Variants in DCC observed in about 807,000 individuals in gnomAD.
DCC encodes the protein DCC netrin 1 receptor, also known as netrin receptor DCC.
DCC carries 58 observed loss-of-function variants against 172.5 expected under a neutral mutation model. The observed-to-expected ratio is 0.34, with a 90% confidence interval of 0.27 to 0.42. The LOEUF (loss-of-function observed/expected upper bound fraction) is 0.42, where lower values mean the gene tolerates loss of function less well. Among genes scored for constraint, DCC ranks in the 10% least tolerant of loss-of-function variants. DCC has a pLI of 1.00. For synonymous variants in DCC, 709 were observed against 644.5 expected (o/e 1.10, Z -1.52); for missense variants, 1,740 against 1,791.0 (o/e 0.97, Z 0.51).
At chr18:53,268,001 T>A (rs1406669222) in intron 12 of DCC, among the ~76,000 whole-genome samples, 5 of 152,166 alleles carry the variant, frequency 3.3e-5, no homozygotes. Flanking sequence ...ACTAAAAAAT[T>A]CCCCCGTGTG....
At chr18:52,670,029 G>C (rs2035523650) in intron 1 of DCC, among the ~76,000 whole-genome samples, 1 of 152,166 alleles carries the variant, frequency 6.6e-6, no homozygotes, top group African/African-American at 2.4e-5. Flanking sequence ...GGTTTCCTCA[G>C]AGGAAAGAGC....
chr18:52,551,604 A>G (rs1398265268), intron 1 of DCC, among the ~76,000 whole-genome samples: 1 of 151,958 alleles, frequency 6.6e-6, no homozygotes, highest in African/African-American at 2.4e-5. Context: ...TTTAGTAGTA[A>G]CACTGCTCAT....
At position 52,658,609 on chromosome 18, in the gene DCC, T is replaced by C. The variant is rs564990786; in HGVS notation, c.92-93445T>C. On this transcript the variant is annotated intron_variant, in intron 1 of 28. Transcript: ENST00000442544. ...TTATTTCTAATGAATCTGAGAAATATGATGAGATTAAAAGGTCATCCCTCA... is the reference window on the plus strand; with the variant it reads ...TTATTTCTAATGAATCTGAGAAATACGATGAGATTAAAAGGTCATCCCTCA... 3.7e-4 allele frequency among the ~76,000 whole-genome samples: 56 copies of C among 151,864 alleles called. 1 individual carries two copies. In the South Asian group the frequency reaches 9.6e-3, roughly 26 times the overall value.
chr18:52,775,873 G>T (rs1024810917), intron 2 of DCC, among the ~76,000 whole-genome samples: 1 of 152,190 alleles, frequency 6.6e-6, no homozygotes, highest in Non-Finnish European at 1.5e-5. Flanking sequence ...AGGTCCGTGA[G>T]GGTGGAGCCC....
intron 21 of DCC, among the ~76,000 whole-genome samples, chr18:53,429,224 A>T (rs1911441934): frequency 1.8e-5 from 1 of 54,374 alleles, no homozygotes; most frequent in African/African-American, 4.1e-5. Context: ...TGCAAAAAAT[A>T]ATGCAGTATT....
intron 1 of DCC, among the ~76,000 whole-genome samples, chr18:52,640,612 AG>A (rs1289996261): frequency 6.6e-6 from 1 of 151,950 alleles, no homozygotes; most frequent in Non-Finnish European, 1.5e-5. Context: ...TTTTTACAAT[AG>A]CTGCAAAAAA....
intron 12 of DCC, among the ~76,000 whole-genome samples, chr18:53,230,033 G>A (rs183236722): frequency 1.3e-5 from 2 of 152,128 alleles, no homozygotes; most frequent in Non-Finnish European, 2.9e-5. Flanking sequence ...CAAAGATGAG[G>A]CTGTATAATC....
At chr18:52,417,992 G>A (rs115977687) in intron 1 of DCC, among the ~76,000 whole-genome samples, 2,385 of 152,182 alleles carry the variant, frequency 0.016, 62 homozygotes, top group African/African-American at 0.055. Flanking sequence ...TTAATTCTTC[G>A]CTTTCAAATT....
chr18:52,603,957 G>A (rs1324060530), intron 1 of DCC, among the ~76,000 whole-genome samples: 2 of 151,868 alleles, frequency 1.3e-5, no homozygotes, highest in Admixed American at 6.6e-5. Flanking sequence ...CATAATTTAT[G>A]TCAGAACCTA....
intron 5 of DCC, among the ~76,000 whole-genome samples, chr18:52,981,607 T>A (rs997877940): frequency 6.6e-6 from 1 of 152,146 alleles, no homozygotes; most frequent in East Asian, 1.9e-4. Flanking sequence ...TTGCCAACAA[T>A]ATATATTTAT....
At chr18:52,420,148 G>GA in intron 1 of DCC, among the ~76,000 whole-genome samples, 1 of 152,142 alleles carries the variant, frequency 6.6e-6, no homozygotes, top group Admixed American at 6.5e-5. Context: ...TGTGCATTTA[G>GA]AAAAAAACAA....
intron 15 of DCC, among the ~76,000 whole-genome samples, chr18:53,351,448 TATATATATAC>T (rs1461436230): frequency 2.0e-5 from 1 of 49,104 alleles, no homozygotes; most frequent in East Asian, 5.7e-4. Flanking sequence ...ACAGTGTATA[TATATATATAC>T]ACAGTGTGTA....
intron 26 of DCC, among the ~76,000 whole-genome samples, chr18:53,498,736 C>T (rs2046058541): frequency 1.3e-5 from 2 of 152,290 alleles, no homozygotes; most frequent in African/African-American, 2.4e-5. Flanking sequence ...CTGGCAGAGT[C>T]ATCTCTCATA....
In DCC at chr18:52,403,414, T is replaced by A. The variant is rs539742705; in HGVS notation, c.91+62536T>A. ...CCTGTCATTCAGAAAGAGCTTACTC[T>A]GGGGCTTCTTGAGGGTCCAGACTCA... is the stretch of plus-strand genomic sequence containing the variant. On this transcript the variant is annotated intron_variant, in intron 1 of 28. Coordinates refer to ENST00000442544, the MANE Select transcript of DCC (RefSeq NM_005215.4). Among the ~76,000 whole-genome samples the A allele has an allele frequency of 3.9e-5, 6 of 152,146 alleles. No individual in the cohort carries two copies. The South Asian group carries it at 1.2e-3, about 32-fold the overall frequency.
intron 7 of DCC, among the ~76,000 whole-genome samples, chr18:53,070,356 C>A (rs541089127): frequency 1.3e-5 from 2 of 152,238 alleles, no homozygotes; most frequent in South Asian, 4.1e-4. Context: ...ACCCAAGTTA[C>A]AATCAGGGTT....
chr18:53,109,294 A>G (rs968387192), intron 7 of DCC, among the ~76,000 whole-genome samples: 3 of 151,422 alleles, frequency 2.0e-5, no homozygotes, highest in African/African-American at 7.3e-5. Context: ...TACAATTTTA[A>G]TAGTATTTTA....
intron 15 of DCC, among the ~76,000 whole-genome samples, chr18:53,355,068 T>A (rs1306767100): frequency 6.6e-6 from 1 of 152,010 alleles, no homozygotes; most frequent in Non-Finnish European, 1.5e-5. Flanking sequence ...CAGGTTTGTC[T>A]AAGATCAGAT....
At chr18:52,907,488 C>T (rs865781530) in intron 3 of DCC, among the ~76,000 whole-genome samples, 2 of 152,042 alleles carry the variant, frequency 1.3e-5, no homozygotes, top group Admixed American at 6.6e-5. Context: ...GCGATCACAG[C>T]TCACTGCTGC....
chr18:52,667,802 G>T (rs950950391), intron 1 of DCC, among the ~76,000 whole-genome samples: 28 of 152,160 alleles, frequency 1.8e-4, no homozygotes, highest in African/African-American at 6.8e-4. Flanking sequence ...ATTAGGGGTG[G>T]TAAGGAGGTT....
Sources: allele counts gnomAD v4.1 joint callset (sites outside exome capture counted in the v4.1 genomes callset), GRCh38; gene constraint gnomAD v4.1.1; transcripts MANE v1.5; gene names NCBI Gene and HGNC (gene_info 2026-07-23, HGNC 2026-07-21).